Variants in SEMA6D observed in about 807,000 individuals in gnomAD.
SEMA6D encodes semaphorin-6D.
A neutral mutation model predicts 106.6 loss-of-function variants in SEMA6D; 35 were observed. The ratio of observed to expected loss-of-function variants is 0.33; its 90% CI spans 0.25 to 0.44. The LOEUF (loss-of-function observed/expected upper bound fraction) is 0.44. Ranked by LOEUF, SEMA6D falls within the 20% of genes least tolerant of loss-of-function variation. The pLI is 1.00. For synonymous variants in SEMA6D, 499 were observed against 487.7 expected (o/e 1.02, Z -0.31); for missense variants, 1,185 against 1,345.9 (o/e 0.88, Z 1.87).
At chr15:47,626,199 A>T (rs2077199238) in intron 4 of SEMA6D, among the ~76,000 whole-genome samples, 1 of 152,204 alleles carries the variant, frequency 6.6e-6, no homozygotes, top group Non-Finnish European at 1.5e-5. Flanking sequence ...GATGTGCATC[A>T]CAACCGTGTG....
At chr15:47,693,455 A>G (rs1847528556) in intron 4 of SEMA6D, among the ~76,000 whole-genome samples, 3 of 152,180 alleles carry the variant, frequency 2.0e-5, no homozygotes, top group South Asian at 2.1e-4. Flanking sequence ...GGAAGGAACA[A>G]TTAGATGGCT....
chr15:47,723,100 A>G (rs1368372036), intron 1 of SEMA6D, among the ~76,000 whole-genome samples: 2 of 152,142 alleles, frequency 1.3e-5, no homozygotes, highest in East Asian at 3.8e-4. Flanking sequence ...TACTTCTGAC[A>G]TTTGCTTTTC....
intron 1 of SEMA6D, among the ~76,000 whole-genome samples, chr15:47,728,246 G>C (rs2070564962): frequency 6.6e-6 from 1 of 152,154 alleles, no homozygotes; most frequent in Non-Finnish European, 1.5e-5. Flanking sequence ...TACTCACCCT[G>C]CACGATTAGA....
At chr15:47,556,470 T>A (rs2045918596) in intron 3 of SEMA6D, among the ~76,000 whole-genome samples, 1 of 152,192 alleles carries the variant, frequency 6.6e-6, no homozygotes, top group South Asian at 2.1e-4. Context: ...CGAATTTGTT[T>A]AAGTTGATTA....
At chr15:47,767,958 C>T (rs1174846175) in intron 17 of SEMA6D, among the ~76,000 whole-genome samples, 1 of 151,462 alleles carries the variant, frequency 6.6e-6, no homozygotes, top group South Asian at 2.1e-4. Flanking sequence ...AAGAAACTCC[C>T]CAGCAGTTTT....
At chr15:47,571,281 C>T (rs1263879637) in intron 3 of SEMA6D, among the ~76,000 whole-genome samples, 1 of 152,132 alleles carries the variant, frequency 6.6e-6, no homozygotes, top group African/African-American at 2.4e-5. Context: ...AAAAAAAATT[C>T]TGGAGCCCAA....
chr15:47,527,282 G>GAA (rs370252620), intron 3 of SEMA6D, among the ~76,000 whole-genome samples: 1 of 149,610 alleles, frequency 6.7e-6, no homozygotes, highest in African/African-American at 2.5e-5. Context: ...AAGAAATTTT[G>GAA]AAAAAAAAAT....
At chr15:47,398,379 C>T (rs1296346167) in intron 1 of SEMA6D, among the ~76,000 whole-genome samples, 1 of 152,224 alleles carries the variant, frequency 6.6e-6, no homozygotes, top group Admixed American at 6.5e-5. Flanking sequence ...TCTAAAATCA[C>T]AGATGCCTCA....
At chr15:47,280,169 G>T (rs2035044917) in intron 1 of SEMA6D, among the ~76,000 whole-genome samples, 2 of 152,024 alleles carry the variant, frequency 1.3e-5, no homozygotes, top group Admixed American at 6.6e-5. Context: ...GACTCTTCTT[G>T]GTTGGTAAGC....
At chr15:47,631,013 G>A (rs2077284604) in intron 4 of SEMA6D, among the ~76,000 whole-genome samples, 1 of 151,732 alleles carries the variant, frequency 6.6e-6, no homozygotes, top group African/African-American at 2.4e-5. Flanking sequence ...ATATTTTATA[G>A]ATTTTACATC....
chr15:47,201,997 C>T (rs916038760), intron 1 of SEMA6D, among the ~76,000 whole-genome samples: 9 of 151,974 alleles, frequency 5.9e-5, no homozygotes, highest in African/African-American at 2.2e-4. Context: ...TGCTTGAGCA[C>T]AAGCCCCAAA....
At chr15:47,431,680 G>T (rs935768918) in intron 2 of SEMA6D, among the ~76,000 whole-genome samples, 3 of 152,178 alleles carry the variant, frequency 2.0e-5, no homozygotes, top group Non-Finnish European at 4.4e-5. Flanking sequence ...AATCAGGCTG[G>T]TCCCAATTCC....
At chr15:47,695,493 A>G (rs1450453944) in intron 4 of SEMA6D, among the ~76,000 whole-genome samples, 1 of 151,978 alleles carries the variant, frequency 6.6e-6, no homozygotes. Flanking sequence ...AAAGAGGGAA[A>G]TGTTACACAC....
chr15:47,683,538 A>T (rs2145628418), intron 4 of SEMA6D, among the ~76,000 whole-genome samples: 1 of 152,332 alleles, frequency 6.6e-6, no homozygotes, highest in South Asian at 2.1e-4. Context: ...CTGTACATGG[A>T]AAACTCAGTG....
At chr15:47,634,074 C>T (rs2077338719) in intron 4 of SEMA6D, among the ~76,000 whole-genome samples, 2 of 152,102 alleles carry the variant, frequency 1.3e-5, no homozygotes, top group African/African-American at 4.8e-5. Flanking sequence ...TTCATGACTG[C>T]TTTAACATCA....
At chr15:47,306,787 G>A (rs1432711831) in intron 1 of SEMA6D, among the ~76,000 whole-genome samples, 1 of 152,110 alleles carries the variant, frequency 6.6e-6, no homozygotes, top group Admixed American at 6.5e-5. Context: ...ACCAAGTAGA[G>A]GTATCACTAA....
chr15:47,202,557 G>A (rs1034208387), intron 1 of SEMA6D, among the ~76,000 whole-genome samples: 5 of 152,142 alleles, frequency 3.3e-5, no homozygotes, highest in African/African-American at 4.8e-5. Context: ...AGAATCAGGG[G>A]AGAAGAGATG....
intron 4 of SEMA6D, among the ~76,000 whole-genome samples, chr15:47,681,282 C>T (rs896875136): frequency 4.6e-5 from 7 of 152,134 alleles, no homozygotes; most frequent in African/African-American, 1.7e-4. Context: ...GGAAGGAGAT[C>T]CTGTCATATC....
At chr15:47,576,916 A>G (rs1188049023) in intron 3 of SEMA6D, among the ~76,000 whole-genome samples, 1 of 152,162 alleles carries the variant, frequency 6.6e-6, no homozygotes, top group Non-Finnish European at 1.5e-5. Context: ...CCCATATTAT[A>G]TATGCATATA....
Sources: gnomAD v4.1 joint callset for allele counts (sites outside exome capture counted in the v4.1 genomes callset) on GRCh38, gnomAD v4.1.1 for gene constraint, MANE v1.5 for transcripts, NCBI Gene and HGNC (gene_info 2026-07-23, HGNC 2026-07-21) for gene names.